Variants in CDH13 observed in about 807,000 individuals in gnomAD.
CDH13 encodes the protein cadherin 13.
A neutral mutation model predicts 63.8 loss-of-function variants in CDH13; 24 were observed. The observed-to-expected ratio is 0.38, with a 90% CI of 0.27 to 0.53. The LOEUF (loss-of-function observed/expected upper bound fraction) is 0.53. Among genes scored for constraint, CDH13 ranks in the 20% least tolerant of loss-of-function variants. The probability of loss-of-function intolerance (pLI) is 0.85; values close to 1 mark genes in which losing one functional copy is unlikely to be tolerated. For synonymous variants in CDH13, 503 were observed against 355.3 expected, an observed-to-expected ratio of 1.42 and a Z score of -4.67; for missense variants, 1,049 against 903.1, an observed-to-expected ratio of 1.16 and a Z score of -2.07.
chr16:82,758,435 C>G lies in CDH13; in HGVS notation c.46-99927C>G, dbSNP rs2325686. Among the ~76,000 whole-genome samples, 983 of 150,254 alleles carry G rather than the reference C, an allele frequency of 6.5e-3. 35 individuals carry two copies. The highest frequency in any genetic ancestry group is 0.053 in the Admixed American group (794 of 15,030). The stretch of plus-strand genomic sequence containing the variant: ...CCAGGAGACTGTTGATACCCCCCCC[C>G]CTTTGCTTTGTCTCCCCATTTCTTT... On this transcript the variant is annotated intron_variant, in intron 1 of 13. Coordinates refer to ENST00000567109, the MANE Select transcript of CDH13 (RefSeq NM_001257.5).
chr16:82,633,031 C>T (rs769561317), intron 1 of CDH13, among the ~76,000 whole-genome samples: 5 of 152,148 alleles, frequency 3.3e-5, no homozygotes, highest in South Asian at 2.1e-4. Flanking sequence ...GGCGGTAATG[C>T]GAGTGCTGGG....
intron 6 of CDH13, among the ~76,000 whole-genome samples, chr16:83,379,938 TAGAGAGAGAGAGAG>T (rs71148831): frequency 8.1e-6 from 1 of 123,448 alleles, no homozygotes; most frequent in Non-Finnish European, 1.6e-5. Context: ...TATATATATA[TAGAGAGAGAGAGAG>T]AGAGAGAGAG....
At chr16:82,769,487 C>G (rs7200332) in intron 1 of CDH13, among the ~76,000 whole-genome samples, 2 of 152,118 alleles carry the variant, frequency 1.3e-5, no homozygotes, top group African/African-American at 4.8e-5. Context: ...GCTGATACCT[C>G]TGTCTTTATG....
chr16:83,269,623 C>T (rs2088737330), intron 5 of CDH13, among the ~76,000 whole-genome samples: 1 of 152,156 alleles, frequency 6.6e-6, no homozygotes, highest in Non-Finnish European at 1.5e-5. Flanking sequence ...TTATGTTGTC[C>T]TTAGTGGGAG....
intron 10 of CDH13, among the ~76,000 whole-genome samples, chr16:83,692,768 T>C (rs1387989730): frequency 1.1e-4 from 16 of 152,088 alleles, no homozygotes. Context: ...AGACCCCTGG[T>C]CTCTTACAGC....
chr16:83,645,356 G>A (rs1911689933), intron 8 of CDH13, among the ~76,000 whole-genome samples: 2 of 152,144 alleles, frequency 1.3e-5, no homozygotes, highest in Non-Finnish European at 2.9e-5. Flanking sequence ...GGGTACACAT[G>A]AACATAAACG....
chr16:83,721,886 C>G (rs1219937284), intron 10 of CDH13: 1 of 152,228 alleles, frequency 6.6e-6, no homozygotes. Flanking sequence ...ATCTCACACA[C>G]ATCTAGGGAC....
intron 7 of CDH13, among the ~76,000 whole-genome samples, chr16:83,562,625 G>C (rs1422568966): frequency 6.6e-6 from 1 of 152,158 alleles, no homozygotes; most frequent in Admixed American, 6.5e-5. Context: ...GATTGTCTTT[G>C]TTCTTCATGA....
chr16:82,753,905 G>A (rs1326745795), intron 1 of CDH13, among the ~76,000 whole-genome samples: 2 of 152,138 alleles, frequency 1.3e-5, no homozygotes, highest in South Asian at 2.1e-4. Context: ...ATATGTTAAA[G>A]TTCCATGAAC....
At chr16:82,640,374 A>G (rs747065199) in intron 1 of CDH13, among the ~76,000 whole-genome samples, 3 of 152,046 alleles carry the variant, frequency 2.0e-5, no homozygotes, top group African/African-American at 7.2e-5. Flanking sequence ...TTGTGTTGAA[A>G]TTTTACTGTT....
At chr16:83,663,358 A>G (rs1913619221) in intron 8 of CDH13, among the ~76,000 whole-genome samples, 1 of 152,222 alleles carries the variant, frequency 6.6e-6, no homozygotes, top group Non-Finnish European at 1.5e-5. Context: ...TAAGATTTTC[A>G]GGAAAGAAAT....
intron 8 of CDH13, among the ~76,000 whole-genome samples, chr16:83,648,351 C>G (rs1005901676): frequency 6.6e-6 from 1 of 152,152 alleles, no homozygotes; most frequent in African/African-American, 2.4e-5. Context: ...CACTTTGATT[C>G]AACGCAAGTT....
chr16:83,468,418 G>A (rs1259933890), intron 6 of CDH13, among the ~76,000 whole-genome samples: 1 of 152,258 alleles, frequency 6.6e-6, no homozygotes, highest in South Asian at 2.1e-4. Context: ...GCACAGCCCC[G>A]CCCACACCTT....
At chr16:83,760,309 C>A (rs1243877882) in intron 11 of CDH13, among the ~76,000 whole-genome samples, 2 of 152,284 alleles carry the variant, frequency 1.3e-5, no homozygotes, top group South Asian at 4.1e-4. Context: ...TCAACTAAAG[C>A]TGAACATACA....
Position 83,795,678 on chromosome 16 carries a change from A to G in CDH13, c.*648A>G, listed in dbSNP as rs1904277682. 2 of 152,188 alleles carry G rather than the reference A, an allele frequency of 1.3e-5. No individual in the cohort carries two copies. Among genetic ancestry groups the G allele is most frequent in the African/African-American group, 4.8e-5 (2 of 41,430 alleles). The allele number at this position is 152,188 out of a possible 1,614,324, so 9.4% of individuals were successfully genotyped here. A position where few individuals can be genotyped will look rare whatever the true frequency, so the allele number is the denominator to read the frequency against. On this transcript the variant is annotated 3_prime_UTR_variant, in exon 14 of 14. Transcript: ENST00000567109. ...GCAGAGAAAGAAGTCCTTTCTCTTT[A>G]TTGAGTTCGAGGACTACAACCAATT...
intron 6 of CDH13, among the ~76,000 whole-genome samples, chr16:83,356,553 C>T (rs996223827): frequency 1.3e-5 from 2 of 152,148 alleles, no homozygotes; most frequent in African/African-American, 4.8e-5. Flanking sequence ...AGACTCCCAT[C>T]CCTTCTGAGA....
chr16:82,766,812 T>C (rs1434620899), intron 1 of CDH13, among the ~76,000 whole-genome samples: 1 of 152,228 alleles, frequency 6.6e-6, no homozygotes, highest in Non-Finnish European at 1.5e-5. Context: ...AAATATACTA[T>C]AACATATAAT....
intron 7 of CDH13, among the ~76,000 whole-genome samples, chr16:83,489,666 T>C (rs1169012651): frequency 1.3e-5 from 2 of 152,208 alleles, no homozygotes; most frequent in Non-Finnish European, 2.9e-5. Context: ...GCACTTTTTG[T>C]AGGATTCACA....
At chr16:83,163,895 C>T (rs1673566767) in intron 4 of CDH13, among the ~76,000 whole-genome samples, 3 of 152,082 alleles carry the variant, frequency 2.0e-5, no homozygotes, top group Non-Finnish European at 2.9e-5. Context: ...AATAAAACCT[C>T]GTCGCTGTCA....
Sources: gnomAD v4.1 joint callset for allele counts (sites outside exome capture counted in the v4.1 genomes callset) on GRCh38, gnomAD v4.1.1 for gene constraint, MANE v1.5 for transcripts, NCBI Gene and HGNC (gene_info 2026-07-23, HGNC 2026-07-21) for gene names.